FGGY: variants seen among roughly 807,000 people sequenced by gnomAD.
The protein encoded by FGGY is FGGY carbohydrate kinase domain-containing protein.
A neutral mutation model predicts 71.3 loss-of-function variants in FGGY; 72 were observed. The observed-to-expected ratio is 1.01, with a 90% CI of 0.84 to 1.23. The LOEUF (loss-of-function observed/expected upper bound fraction) is 1.23. Among genes scored for constraint, FGGY ranks in the 50% most tolerant of loss-of-function variants. The probability of loss-of-function intolerance (pLI) is 0.00; values close to 1 mark genes in which losing one functional copy is unlikely to be tolerated. For synonymous variants in FGGY, 251 were observed against 250.3 expected, an observed-to-expected ratio of 1.00 and a Z score of -0.02; for missense variants, 668 against 682.3, an observed-to-expected ratio of 0.98 and a Z score of 0.23.
At chr1:59,684,846 C>A (rs2097532101) in intron 14 of FGGY, among the ~76,000 whole-genome samples, 3 of 152,192 alleles carry the variant, frequency 2.0e-5, no homozygotes, top group South Asian at 4.1e-4. Context: ...TATTAACTGA[C>A]CCCATTGAGT....
chr1:59,352,149 C>G (rs2053435887), intron 4 of FGGY, among the ~76,000 whole-genome samples: 1 of 152,142 alleles, frequency 6.6e-6, no homozygotes, highest in Non-Finnish European at 1.5e-5. Context: ...TTAATGAAGG[C>G]CAAATGTAAA....
At chr1:59,337,731 G>A (rs835388) in intron 2 of FGGY, among the ~76,000 whole-genome samples, 3,076 of 152,062 alleles carry the variant, frequency 0.02, 104 homozygotes, top group African/African-American at 0.071. Context: ...TACTAAAATT[G>A]CTTATTAGTT....
intron 11 of FGGY, among the ~76,000 whole-genome samples, chr1:59,643,873 A>G (rs1039989787): frequency 6.6e-6 from 1 of 152,244 alleles, no homozygotes; most frequent in Non-Finnish European, 1.5e-5. Context: ...CAAATGAGGA[A>G]TGAACAGTGA....
At chr1:59,562,420 A>ATGAG (rs1236820978) in intron 8 of FGGY, among the ~76,000 whole-genome samples, 8 of 152,226 alleles carry the variant, frequency 5.3e-5, no homozygotes, top group African/African-American at 1.7e-4. Flanking sequence ...AAGTGGGCTC[A>ATGAG]GGCCAGCTGA....
chr1:59,467,267 G>C (rs34057760), intron 6 of FGGY, among the ~76,000 whole-genome samples: 1 of 151,928 alleles, frequency 6.6e-6, no homozygotes, highest in South Asian at 2.1e-4. Context: ...AACCAAACAC[G>C]GCATGTTCTC....
intron 5 of FGGY, among the ~76,000 whole-genome samples, chr1:59,439,981 A>G (rs1451374831): frequency 6.6e-6 from 1 of 151,884 alleles, no homozygotes; most frequent in Non-Finnish European, 1.5e-5. Flanking sequence ...GTGACCTCAA[A>G]TGATATGTGG....
At chr1:59,422,113 A>G (rs1045450238) in intron 5 of FGGY, among the ~76,000 whole-genome samples, 2 of 152,206 alleles carry the variant, frequency 1.3e-5, no homozygotes, top group Admixed American at 6.5e-5. Flanking sequence ...AATCACCTGG[A>G]GAGATTTTCA....
At chr1:59,631,234 T>G (rs1354393907) in intron 10 of FGGY, among the ~76,000 whole-genome samples, 2 of 152,192 alleles carry the variant, frequency 1.3e-5, no homozygotes, top group Non-Finnish European at 2.9e-5. Flanking sequence ...TCTTGACCAT[T>G]AACATTAATT....
At chr1:59,654,675 G>A (rs903367112) in intron 11 of FGGY, among the ~76,000 whole-genome samples, 3 of 152,022 alleles carry the variant, frequency 2.0e-5, no homozygotes, top group Non-Finnish European at 4.4e-5. Flanking sequence ...TAATACCAAG[G>A]TTTAGAGCAG....
chr1:59,679,651 T>C (rs1184600438), intron 14 of FGGY, among the ~76,000 whole-genome samples: 1 of 152,172 alleles, frequency 6.6e-6, no homozygotes, highest in Non-Finnish European at 1.5e-5. Context: ...TTATGGTTTC[T>C]ATTCTCTTAG....
At chr1:59,738,080 C>T (rs1198950998) in intron 14 of FGGY, among the ~76,000 whole-genome samples, 1 of 152,108 alleles carries the variant, frequency 6.6e-6, no homozygotes, top group Non-Finnish European at 1.5e-5. Context: ...AAATAAGCTC[C>T]CCTATTCAAA....
At chr1:59,536,130 A>G (rs1174561720) in intron 7 of FGGY, among the ~76,000 whole-genome samples, 1 of 151,948 alleles carries the variant, frequency 6.6e-6, no homozygotes, top group Admixed American at 6.5e-5. Flanking sequence ...GATGCAATAA[A>G]AAATGATAAA....
At chr1:59,591,640 C>G (rs1157586531) in intron 8 of FGGY, among the ~76,000 whole-genome samples, 2 of 152,128 alleles carry the variant, frequency 1.3e-5, no homozygotes, top group South Asian at 2.1e-4. Context: ...CACCGCATAT[C>G]TATAACTACC....
At chr1:59,528,468 C>T (rs2095052533) in intron 7 of FGGY, among the ~76,000 whole-genome samples, 1 of 152,182 alleles carries the variant, frequency 6.6e-6, no homozygotes, top group Non-Finnish European at 1.5e-5. Flanking sequence ...ATAGCTTCAC[C>T]CAAGCCAGCG....
chr1:59,394,699 G>A (rs879516833), intron 5 of FGGY, among the ~76,000 whole-genome samples: 10 of 151,978 alleles, frequency 6.6e-5, no homozygotes, highest in Admixed American at 5.9e-4. Context: ...ATAGTGCAAG[G>A]GTAACTTCAG....
At chr1:59,742,383 C>A (rs1440957200) in intron 14 of FGGY, among the ~76,000 whole-genome samples, 1 of 152,226 alleles carries the variant, frequency 6.6e-6, no homozygotes, top group Admixed American at 6.5e-5. Context: ...GTGGAGCACT[C>A]CCTTCATTGA....
At chr1:59,538,871 G>A (rs2095388704) in intron 7 of FGGY, among the ~76,000 whole-genome samples, 1 of 150,178 alleles carries the variant, frequency 6.7e-6, no homozygotes, top group South Asian at 2.1e-4. Flanking sequence ...GGGAGGGATA[G>A]CATTGGGAGA....
At chr1:59,363,402 G>A (rs896650900) in intron 4 of FGGY, among the ~76,000 whole-genome samples, 2 of 152,192 alleles carry the variant, frequency 1.3e-5, no homozygotes, top group Non-Finnish European at 2.9e-5. Flanking sequence ...TGTGCCAGGT[G>A]CTGTAAACAG....
At chr1:59,702,088 C>T (rs1249625127) in intron 14 of FGGY, among the ~76,000 whole-genome samples, 1 of 152,006 alleles carries the variant, frequency 6.6e-6, no homozygotes, top group Non-Finnish European at 1.5e-5. Flanking sequence ...AGAGAGAGAG[C>T]AGGGGAAACT....
Sources: allele counts gnomAD v4.1 joint callset (sites outside exome capture counted in the v4.1 genomes callset), GRCh38; gene constraint gnomAD v4.1.1; transcripts MANE v1.5; gene names NCBI Gene and HGNC (gene_info 2026-07-23, HGNC 2026-07-21).